Variants in STPG4 observed in about 807,000 individuals in gnomAD.
STPG4 encodes protein STPG4.
In STPG4, 41 loss-of-function variants were observed where a neutral mutation model predicts 31.5. That is an observed-to-expected ratio of 1.30 (90% CI 1.01 to 1.69). The LOEUF is 1.69. Ranked by LOEUF, STPG4 falls within the 40% of genes most tolerant of loss-of-function variation. The probability of loss-of-function intolerance (pLI) is 0.00; values close to 1 mark genes in which losing one functional copy is unlikely to be tolerated. For synonymous variants in STPG4, 141 were observed against 103.0 expected (o/e 1.37, Z -2.24); for missense variants, 375 against 293.4 (o/e 1.28, Z -2.03).
intron 3 of STPG4, among the ~76,000 whole-genome samples, chr2:47,130,510 C>G (rs766893800): frequency 2.0e-5 from 3 of 152,068 alleles, no homozygotes; most frequent in Non-Finnish European, 2.9e-5. Flanking sequence ...TCAAATTGAT[C>G]ACAGTTTTTC....
intron 3 of STPG4, among the ~76,000 whole-genome samples, chr2:47,140,425 T>A (rs1686678990): frequency 6.6e-6 from 1 of 152,192 alleles, no homozygotes; most frequent in African/African-American, 2.4e-5. Context: ...GCACCCCCTA[T>A]GATTAGGTCC....
intron 5 of STPG4, among the ~76,000 whole-genome samples, chr2:47,102,428 C>G (rs996896672): frequency 2.0e-5 from 3 of 151,792 alleles, no homozygotes; most frequent in Admixed American, 6.6e-5. Flanking sequence ...CCCCAGTATT[C>G]TCTCTCTGAT....
rs1225191809 is a variant in STPG4 at position 47,152,958 on chromosome 2, G to A, written c.140C>T (p.Thr47Ile). 4 of 1,605,512 alleles carry A rather than the reference G, an allele frequency of 2.5e-6. No homozygotes were observed. The highest frequency in any genetic ancestry group is 3.4e-5 in the Admixed American group (2 of 59,686). The change falls in exon 2 of 7, where the codon ACA becomes ATA. Residue 47 changes from threonine (T) to isoleucine (I), a missense_variant and splice_region_variant. Transcript: ENST00000445927. ...GGAAAGACTGAACAATGTACATACT[G>A]TTAATGCTATTCTCCACCATCCTTC... The part of the protein sequence containing the change: ...EREGWWRIAL[T>I]DTPIPGTYHL...
At chr2:47,120,503 C>T (rs1054481803) in intron 5 of STPG4, among the ~76,000 whole-genome samples, 1 of 151,580 alleles carries the variant, frequency 6.6e-6, no homozygotes, top group Non-Finnish European at 1.5e-5. Context: ...GGAGGTGGAG[C>T]TTGCAGTGAG....
At chr2:47,147,267 G>A (rs1452891817) in intron 3 of STPG4, among the ~76,000 whole-genome samples, 1 of 152,186 alleles carries the variant, frequency 6.6e-6, no homozygotes, top group Non-Finnish European at 1.5e-5. Flanking sequence ...CATGGATGCA[G>A]GTATTAATAC....
At chr2:47,148,993 C>T (rs1280837343) in intron 3 of STPG4, among the ~76,000 whole-genome samples, 1 of 152,120 alleles carries the variant, frequency 6.6e-6, no homozygotes, top group Non-Finnish European at 1.5e-5. Flanking sequence ...TAATGTATAA[C>T]AATAATACAT....
At chr2:47,102,157 A>G (rs975393706) in intron 5 of STPG4, among the ~76,000 whole-genome samples, 1 of 140,244 alleles carries the variant, frequency 7.1e-6, no homozygotes, top group Admixed American at 7.0e-5. Context: ...GGACCGTTGC[A>G]GGTTCTTGGG....
intron 5 of STPG4, among the ~76,000 whole-genome samples, chr2:47,119,961 C>G (rs4953467): frequency 0.71 from 107,528 of 152,084 alleles, 39,125 homozygotes; most frequent in East Asian, 0.93. Context: ...ATTGCATGAA[C>G]CAAGGGCTTA....
At chr2:47,125,293 G>A (rs371198644) in intron 5 of STPG4, among the ~76,000 whole-genome samples, 3 of 152,204 alleles carry the variant, frequency 2.0e-5, no homozygotes, top group African/African-American at 4.8e-5. Flanking sequence ...GTGGTGGCAT[G>A]CACCTGTAAT....
At chr2:47,120,625 T>G (rs1236675756) in intron 5 of STPG4, among the ~76,000 whole-genome samples, 1 of 152,080 alleles carries the variant, frequency 6.6e-6, no homozygotes, top group Non-Finnish European at 1.5e-5. Flanking sequence ...TTGACATCTA[T>G]GGACCTGGCA....
intron 5 of STPG4, chr2:47,108,800 T>A (rs933320970): frequency 6.6e-6 from 1 of 152,270 alleles, no homozygotes; most frequent in Non-Finnish European, 1.5e-5. Context: ...GATCCCCTGT[T>A]CCTGATTACA....
intron 5 of STPG4, among the ~76,000 whole-genome samples, chr2:47,116,593 A>C (rs1202141064): frequency 6.6e-6 from 1 of 152,222 alleles, no homozygotes; most frequent in Non-Finnish European, 1.5e-5. Flanking sequence ...TAATAAGGAC[A>C]TAAGTGGGAC....
At chr2:47,107,906 C>CT (rs1168307862) in intron 5 of STPG4, among the ~76,000 whole-genome samples, 2 of 152,160 alleles carry the variant, frequency 1.3e-5, no homozygotes, top group Non-Finnish European at 2.9e-5. Context: ...TCTAGCTACT[C>CT]TGGTGGGGCC....
At chr2:47,153,339 C>G (rs543827520) in intron 1 of STPG4, among the ~76,000 whole-genome samples, 1 of 152,248 alleles carries the variant, frequency 6.6e-6, no homozygotes, top group East Asian at 1.9e-4. Flanking sequence ...GAAGCCAGAC[C>G]GACTTAGGCT....
chr2:47,098,740 C>T (rs71423938), intron 5 of STPG4, among the ~76,000 whole-genome samples: 3,585 of 142,616 alleles, frequency 0.025, 57 homozygotes, highest in African/African-American at 0.042. Flanking sequence ...GTGTGTGTGA[C>T]ACACTGCTCA....
intron 3 of STPG4, among the ~76,000 whole-genome samples, chr2:47,131,991 C>T (rs1686494353): frequency 6.6e-6 from 1 of 152,006 alleles, no homozygotes; most frequent in African/African-American, 2.4e-5. Context: ...ATGGCAAAAC[C>T]CTGTCTCTAC....
intron 5 of STPG4, chr2:47,121,179 A>G (rs530761201): frequency 6.5e-6 from 1 of 154,170 alleles, no homozygotes; most frequent in African/African-American, 2.4e-5. Flanking sequence ...CTGGTTGAAT[A>G]TTTTTACTTC....
intron 3 of STPG4, among the ~76,000 whole-genome samples, chr2:47,132,162 C>G (rs1686499241): frequency 8.9e-6 from 1 of 112,464 alleles, no homozygotes; most frequent in Non-Finnish European, 1.9e-5. Flanking sequence ...GAGACTCACT[C>G]TGAAAAAAAA....
At chr2:47,138,183 A>G (rs1450817302) in intron 3 of STPG4, among the ~76,000 whole-genome samples, 2 of 152,018 alleles carry the variant, frequency 1.3e-5, no homozygotes, top group African/African-American at 4.8e-5. Context: ...TTTCACTTCC[A>G]CTTAGTTCAA....
Sources: allele counts gnomAD v4.1 joint callset (sites outside exome capture counted in the v4.1 genomes callset), GRCh38; gene constraint gnomAD v4.1.1; transcripts MANE v1.5; gene names NCBI Gene and HGNC (gene_info 2026-07-23, HGNC 2026-07-21).